Variants in MCU observed in about 807,000 individuals in gnomAD.
MCU encodes the protein calcium uniporter protein, mitochondrial.
In MCU, 12 loss-of-function variants were observed where a neutral mutation model predicts 45.2. The observed-to-expected ratio is 0.27, with a 90% CI of 0.17 to 0.43. The LOEUF (loss-of-function observed/expected upper bound fraction) is 0.43. MCU is among the 20% of genes least tolerant of loss of function. The probability of loss-of-function intolerance (pLI) is 1.00; values close to 1 mark genes in which losing one functional copy is unlikely to be tolerated. For synonymous variants in MCU, 160 were observed against 165.1 expected (o/e 0.97, Z 0.24); for missense variants, 324 against 436.7 (o/e 0.74, Z 2.30).
At chr10:72,808,356 C>T (rs576372076) in intron 1 of MCU, among the ~76,000 whole-genome samples, 5 of 152,286 alleles carry the variant, frequency 3.3e-5, no homozygotes, top group Admixed American at 1.3e-4. Flanking sequence ...CTAGCTTCAA[C>T]GGAACATATA....
At chr10:72,805,077 GTTTCTTTC>G (rs141690879) in intron 1 of MCU, among the ~76,000 whole-genome samples, 12 of 141,158 alleles carry the variant, frequency 8.5e-5, no homozygotes, top group South Asian at 2.3e-4. Context: ...GCCCTAGTTT[GTTTCTTTC>G]TTTCTTTCTT....
At chr10:72,877,414 A>G (rs1845633737) in intron 6 of MCU, among the ~76,000 whole-genome samples, 1 of 152,192 alleles carries the variant, frequency 6.6e-6, no homozygotes, top group African/African-American at 2.4e-5. Flanking sequence ...TTAATCCACT[A>G]ATTATCCCTT....
intron 1 of MCU, among the ~76,000 whole-genome samples, chr10:72,733,697 A>T (rs1010908): frequency 0.013 from 516 of 40,094 alleles, 1 homozygote; most frequent in Middle Eastern, 0.093. Flanking sequence ...ATATATATAT[A>T]TATATATTTT....
At chr10:72,867,537 G>A (rs1845475573) in intron 4 of MCU, among the ~76,000 whole-genome samples, 1 of 151,982 alleles carries the variant, frequency 6.6e-6, no homozygotes, top group South Asian at 2.1e-4. Context: ...GGTATACTAG[G>A]GAGAAGAAGA....
At chr10:72,838,406 G>A (rs1184405426) in intron 2 of MCU, among the ~76,000 whole-genome samples, 1 of 152,110 alleles carries the variant, frequency 6.6e-6, no homozygotes, top group Non-Finnish European at 1.5e-5. Context: ...TTGAGCTCAG[G>A]AGTTCAAGAC....
Position 72,804,519 on chromosome 10 carries a change from T to G in MCU, c.151-29840T>G, listed in dbSNP as rs577035234. ...GTTCCTGCTTTGTCTTCATACTCTT[T>G]GATCACTTCTTCATGTGACAAAGAT... On this transcript the variant is annotated intron_variant, in intron 1 of 7. Transcript: ENST00000373053. Among the ~76,000 whole-genome samples the G allele has an allele frequency of 6.6e-5, 10 of 152,348 alleles. No homozygotes were observed. In the South Asian group the frequency reaches 2.1e-3, roughly 32 times the overall value.
rs576259412 is a variant in MCU, at chr10:72,873,097, CAA to C, written c.861+1518_861+1519del. Among the ~76,000 whole-genome samples, 416 of 145,798 alleles carry C rather than the reference CAA, an allele frequency of 2.9e-3. 2 individuals carry two copies. Among genetic ancestry groups the C allele is most frequent in the African/African-American group, 0.01 (393 of 38,952 alleles). ...ACAATGGCACGATCTCGGCTCACTG[CAA>C]GCTCCGCCTCCTGGATTCACACCAT... On this transcript the variant is annotated intron_variant, in intron 6 of 7. Coordinates refer to ENST00000373053, the MANE Select transcript of MCU (RefSeq NM_138357.3).
chr10:72,776,886 A>G (rs1433438783), intron 1 of MCU, among the ~76,000 whole-genome samples: 3 of 152,200 alleles, frequency 2.0e-5, no homozygotes. Context: ...ATACAAAATC[A>G]ACATACAAAA....
At chr10:72,701,784 GC>G (rs2132649629) in intron 1 of MCU, among the ~76,000 whole-genome samples, 1 of 151,994 alleles carries the variant, frequency 6.6e-6, no homozygotes, top group African/African-American at 2.4e-5. Flanking sequence ...TCCTGCCTCG[GC>G]CTCCCAAAAT....
chr10:72,725,133 T>G (rs1411401927), intron 1 of MCU, among the ~76,000 whole-genome samples: 1 of 149,768 alleles, frequency 6.7e-6, no homozygotes, highest in Non-Finnish European at 1.5e-5. Flanking sequence ...CCTGGCTAAT[T>G]TTTTTTTTTT....
intron 2 of MCU, among the ~76,000 whole-genome samples, chr10:72,850,520 T>C (rs1240243587): frequency 1.3e-5 from 2 of 152,244 alleles, no homozygotes; most frequent in African/African-American, 4.8e-5. Context: ...AACTTCATAC[T>C]ATATATTTTT....
At position 72,692,175 on chromosome 10, in the gene MCU, G is replaced by A. The variant is rs761924633; in HGVS notation, c.24G>A (p.Ser8=). Reference sequence around the variant, plus strand: ...AGATGGCGGCCGCCGCAGGTAGATCGCTCCTGCTGCTCCTCTCCTCTCGGG... The same window carrying A: ...AGATGGCGGCCGCCGCAGGTAGATCACTCCTGCTGCTCCTCTCCTCTCGGG... The part of the protein sequence containing the change: MAAAAGR[S]LLLLLSSRGG... Residue 8 remains serine (S), a synonymous_variant, in exon 1 of 8, where the codon TCG becomes TCA. Transcript: ENST00000373053. 5.5e-6 allele frequency: 7 copies of A among 1,282,708 alleles called. No individual in the cohort carries two copies. The African/African-American group carries it at 1.1e-4, about 20-fold the overall frequency. The allele number at this position is 1,282,708 out of a possible 1,614,324, so 79.5% of individuals were successfully genotyped here. A position where few individuals can be genotyped will look rare whatever the true frequency, so the allele number is the denominator to read the frequency against.
At chr10:72,783,730 A>G (rs1016972260) in intron 1 of MCU, among the ~76,000 whole-genome samples, 4 of 152,220 alleles carry the variant, frequency 2.6e-5, no homozygotes, top group African/African-American at 9.6e-5. Context: ...AGAAAAACGC[A>G]TAGAGTGGGG....
chr10:72,860,385 T>C, intron 3 of MCU, 38 bp from the exon 4 acceptor site: 4 of 1,522,674 alleles, frequency 2.6e-6, no homozygotes, highest in Non-Finnish European at 1.8e-6. Flanking sequence ...CTTGAATAAT[T>C]ATGGACCTAT....
chr10:72,874,549 G>C (rs747375990), intron 6 of MCU, among the ~76,000 whole-genome samples: 2 of 152,188 alleles, frequency 1.3e-5, no homozygotes, highest in Non-Finnish European at 2.9e-5. Context: ...TTGGGGAAAT[G>C]ATAGCACAAG....
chr10:72,799,515 T>C (rs777352299), intron 1 of MCU, among the ~76,000 whole-genome samples: 49 of 151,772 alleles, frequency 3.2e-4, no homozygotes, highest in Non-Finnish European at 7.1e-4. Context: ...CAAGATGCGG[T>C]CTCACTATGT....
Position 72,752,388 on chromosome 10 carries a change from G to A in MCU, c.150+60087G>A, listed in dbSNP as rs1295577140. ...TGGGATTACAGGCATGAGGCACCAC[G>A]CCCACCCTCCAAATGTTTTTTTGAA... On this transcript the variant is annotated intron_variant, in intron 1 of 7. Coordinates refer to ENST00000373053, the MANE Select transcript of MCU (RefSeq NM_138357.3). 3.3e-5 allele frequency among the ~76,000 whole-genome samples: 5 copies of A among 151,986 alleles called. No individual in the cohort carries two copies. In the South Asian group the frequency reaches 6.2e-4, roughly 19 times the overall value.
At chr10:72,719,757 A>G (rs1842997262) in intron 1 of MCU, among the ~76,000 whole-genome samples, 1 of 152,154 alleles carries the variant, frequency 6.6e-6, no homozygotes, top group South Asian at 2.1e-4. Flanking sequence ...ACATACAATT[A>G]TATTCTCTTA....
intron 1 of MCU, among the ~76,000 whole-genome samples, chr10:72,768,938 A>G (rs1005670627): frequency 1.3e-5 from 2 of 152,026 alleles, no homozygotes; most frequent in African/African-American, 4.8e-5. Context: ...TGTAACTTTG[A>G]ATTCCTGGGT....
Sources: gnomAD v4.1 joint callset for allele counts (sites outside exome capture counted in the v4.1 genomes callset) on GRCh38, gnomAD v4.1.1 for gene constraint, MANE v1.5 for transcripts, NCBI Gene and HGNC (gene_info 2026-07-23, HGNC 2026-07-21) for gene names.